The following HDAC9 variants were observed in gnomAD, a reference collection of about 807,000 sequenced individuals.
The protein encoded by HDAC9 is histone deacetylase 9, also known as MEF-2 interacting transcription repressor (MITR) protein.
HDAC9 carries 41 observed loss-of-function variants against 139.4 expected under a neutral mutation model. The observed-to-expected ratio is 0.29, with a 90% CI of 0.23 to 0.38. The LOEUF is 0.38. Ranked by LOEUF, HDAC9 falls within the 10% of genes least tolerant of loss-of-function variation. The pLI is 1.00. For missense variants in HDAC9, 1,147 were observed against 1,297.0 expected (o/e 0.88, Z 1.78); for synonymous variants, 517 against 476.2 (o/e 1.09, Z -1.12).
At chr7:18,482,872 G>A (rs962320615) in intron 1 of HDAC9, among the ~76,000 whole-genome samples, 12 of 152,050 alleles carry the variant, frequency 7.9e-5, no homozygotes, top group Non-Finnish European at 1.6e-4. Context: ...AGGAGCCATT[G>A]GAAGAACTAA....
rs1208339139 is a variant in HDAC9, at chr7:18,591,590, C to G, written c.490C>G (p.Pro164Ala). Residue 164 changes from proline (P) to alanine (A), a missense_variant, in exon 5 of 26, where the codon CCA becomes GCA. Physicochemically the swap from Pro to Ala is conservative, Grantham distance 27. Transcript: ENST00000686413. ...GAGTAAATCAGCAACGAAAGACACT[C>G]CAACTAATGGAAAAAATCATTCCGT... Reference protein sequence around the residue: ...LLSKSATKDTPTNGKNHSVSR... With the variant: ...LLSKSATKDTATNGKNHSVSR... 2.5e-6 allele frequency: 4 copies of G among 1,613,350 alleles called. No individual in the cohort carries two copies. Among genetic ancestry groups the G allele is most frequent in the Non-Finnish European group, 1.7e-6 (2 of 1,179,704 alleles).
intron 2 of HDAC9, among the ~76,000 whole-genome samples, chr7:18,555,014 C>T (rs1818365207): frequency 6.6e-6 from 1 of 152,134 alleles, no homozygotes; most frequent in Admixed American, 6.5e-5. Context: ...CTGAACTTGG[C>T]AGAAACATAT....
At chr7:18,151,256 G>A (rs1049873920) in intron 1 of HDAC9, among the ~76,000 whole-genome samples, 2 of 152,120 alleles carry the variant, frequency 1.3e-5, no homozygotes, top group African/African-American at 2.4e-5. Flanking sequence ...GATTGAGTGC[G>A]GAGTTTGTTT....
chr7:18,808,768 C>T (rs1334727280), intron 17 of HDAC9, among the ~76,000 whole-genome samples: 1 of 151,622 alleles, frequency 6.6e-6, no homozygotes, highest in Non-Finnish European at 1.5e-5. Context: ...TGACATTTTT[C>T]ACAGAAAGAG....
At chr7:18,719,280 A>G (rs1784943899) in intron 12 of HDAC9, among the ~76,000 whole-genome samples, 2 of 148,486 alleles carry the variant, frequency 1.3e-5, no homozygotes, top group African/African-American at 5.0e-5. Flanking sequence ...CCTTTGAAGC[A>G]CAACATTTTT....
chr7:18,889,267 T>C (rs1002096355), intron 22 of HDAC9, among the ~76,000 whole-genome samples: 1 of 152,150 alleles, frequency 6.6e-6, no homozygotes, highest in African/African-American at 2.4e-5. Flanking sequence ...AGCTCAGATA[T>C]CACCTTCTCA....
intron 23 of HDAC9, chr7:18,949,495 A>G (rs2129320832): frequency 1.4e-5 from 3 of 217,972 alleles, no homozygotes; most frequent in Middle Eastern, 2.1e-3. Context: ...AAAGCCCACA[A>G]AGGAAACTGT....
intron 14 of HDAC9, among the ~76,000 whole-genome samples, chr7:18,759,415 G>A (rs1057295700): frequency 3.3e-5 from 5 of 152,074 alleles, no homozygotes; most frequent in Middle Eastern, 3.4e-3. Context: ...TGTGAACTGC[G>A]CATGTGAGGG....
At chr7:18,926,986 G>T (rs1426979716) in intron 22 of HDAC9, among the ~76,000 whole-genome samples, 1 of 152,108 alleles carries the variant, frequency 6.6e-6, no homozygotes, top group African/African-American at 2.4e-5. Flanking sequence ...TTATAAAATT[G>T]ATTTCCGGAT....
chr7:18,406,036 G>A (rs1050584081), intron 1 of HDAC9, among the ~76,000 whole-genome samples: 1 of 152,054 alleles, frequency 6.6e-6, no homozygotes, highest in African/African-American at 2.4e-5. Context: ...ATCATTGGTT[G>A]TAAATATATG....
intron 24 of HDAC9, among the ~76,000 whole-genome samples, chr7:18,966,742 A>T (rs181225190): frequency 6.6e-6 from 1 of 152,212 alleles, no homozygotes; most frequent in East Asian, 1.9e-4. Flanking sequence ...GTTAGGGGAA[A>T]ATTTGAGAAA....
chr7:18,499,009 G>T (rs1411261220), intron 2 of HDAC9, among the ~76,000 whole-genome samples: 1 of 151,738 alleles, frequency 6.6e-6, no homozygotes, highest in Non-Finnish European at 1.5e-5. Context: ...TATTTATTTT[G>T]TTACCTTGGT....
Position 18,300,149 on chromosome 7 carries a change from A to C in HDAC9, c.-42+9634A>C, listed in dbSNP as rs1798439902. On this transcript the variant is annotated intron_variant, in intron 1 of 3. Coordinates refer to the HDAC9 transcript ENST00000413509. Reference sequence around the variant, plus strand: ...GTGGCTTTGAATGCAGCCCAACACAAATTTGTAAACTTTCCTAAAACATTA... The same window carrying C: ...GTGGCTTTGAATGCAGCCCAACACACATTTGTAAACTTTCCTAAAACATTA... 2.6e-5 allele frequency among the ~76,000 whole-genome samples: 4 copies of C among 151,878 alleles called. No homozygotes were observed. In the South Asian group the frequency reaches 8.3e-4, roughly 32 times the overall value.
chr7:18,416,746 C>CA (rs1789105526), intron 1 of HDAC9, among the ~76,000 whole-genome samples: 1 of 152,054 alleles, frequency 6.6e-6, no homozygotes, highest in Non-Finnish European at 1.5e-5. Context: ...TAATTAATGT[C>CA]ACCTTTGGAT....
intron 21 of HDAC9, among the ~76,000 whole-genome samples, chr7:18,843,209 C>T (rs549522715): frequency 6.6e-6 from 1 of 151,990 alleles, no homozygotes; most frequent in African/African-American, 2.4e-5. Flanking sequence ...AATTTGTATG[C>T]CTAGAAGTGA....
intron 5 of HDAC9, among the ~76,000 whole-genome samples, chr7:18,593,144 G>A (rs1363941042): frequency 6.6e-6 from 1 of 151,914 alleles, no homozygotes; most frequent in Non-Finnish European, 1.5e-5. Context: ...AACCAATAAA[G>A]TCTTAAGAAT....
chr7:18,512,352 A>C (rs192722377), intron 2 of HDAC9, among the ~76,000 whole-genome samples: 1 of 152,190 alleles, frequency 6.6e-6, no homozygotes, highest in Non-Finnish European at 1.5e-5. Flanking sequence ...GTACAAAATA[A>C]AACATTGAAA....
intron 2 of HDAC9, among the ~76,000 whole-genome samples, chr7:18,542,684 C>G (rs549152073): frequency 6.6e-6 from 1 of 152,164 alleles, no homozygotes; most frequent in East Asian, 1.9e-4. Context: ...AAAAATACTT[C>G]ATATTAATAA....
At chr7:18,568,359 G>T (rs1209816170) in intron 2 of HDAC9, among the ~76,000 whole-genome samples, 1 of 152,096 alleles carries the variant, frequency 6.6e-6, no homozygotes, top group Non-Finnish European at 1.5e-5. Flanking sequence ...CAATGGCAAA[G>T]CTAACTGTAA....
Sources: gnomAD v4.1 joint callset for allele counts (sites outside exome capture counted in the v4.1 genomes callset) on GRCh38, gnomAD v4.1.1 for gene constraint, MANE v1.5 for transcripts, NCBI Gene and HGNC (gene_info 2026-07-23, HGNC 2026-07-21) for gene names.